AFF4: variants seen among roughly 807,000 people sequenced by gnomAD.
AFF4 encodes ALF transcription elongation factor 4, also known as AF4/FMR2 family member 4.
In AFF4, 13 loss-of-function variants were observed where a neutral mutation model predicts 124.8. That is an observed-to-expected ratio of 0.10 (90% CI 0.07 to 0.17). The LOEUF (loss-of-function observed/expected upper bound fraction) is 0.17, where lower values mean the gene tolerates loss of function less well. Ranked by LOEUF, AFF4 falls within the 10% of genes least tolerant of loss-of-function variation. AFF4 has a pLI of 1.00. For missense variants in AFF4, 1,092 were observed against 1,403.8 expected (o/e 0.78, Z 3.55); for synonymous variants, 477 against 496.1 (o/e 0.96, Z 0.51).
intron 13 of AFF4, among the ~76,000 whole-genome samples, chr5:132,891,054 TAGC>T (rs1760244504): frequency 1.3e-5 from 2 of 151,188 alleles, no homozygotes; most frequent in South Asian, 2.1e-4. Flanking sequence ...AAAAAAGCAA[TAGC>T]AGGTTTCAAG....
chr5:132,896,885 A>C lies in AFF4; in HGVS notation c.1745T>G (p.Leu582Arg). 1 of 1,613,962 alleles carries C rather than the reference A, an allele frequency of 6.2e-7. No individual in the cohort carries two copies. The highest frequency in any genetic ancestry group is 8.5e-7 in the Non-Finnish European group (1 of 1,179,976). Residue 582 changes from leucine to arginine, a missense_variant, in exon 11 of 21, where the codon CTG becomes CGG. Leu to Arg is a moderately radical substitution (Grantham distance 102, BLOSUM62 -2). This residue lies in a region of AFF4 where 174 missense variants were observed against 205.9 expected (regional missense o/e 0.84). Transcript: ENST00000265343. The stretch of plus-strand genomic sequence containing the variant: ...TACAGGGGTTTCACTTTCTATCTTC[A>C]GGCCTCCACGAGGCTCTTCAGCAGC... ...KAAAEEPRGG[L>R]KIESETPVDL...
rs140574395 is a variant in AFF4 at position 132,894,991 on chromosome 5, T to C, written c.2307+1332A>G. Among the ~76,000 whole-genome samples the C allele has an allele frequency of 3.5e-4, 53 of 152,074 alleles. No homozygotes were observed. The East Asian group carries it at 9.3e-3, about 27-fold the overall frequency. On this transcript the variant is annotated intron_variant, in intron 11 of 20. Coordinates refer to ENST00000265343, the MANE Select transcript of AFF4 (RefSeq NM_014423.4). ...ATAAAATAAAATCTTACAAAAAAAG[T>C]AATACTTTTTAAGCACAAAAGGACC...
chr5:132,926,887 CAT>C, intron 5 of AFF4: 1 of 417,254 alleles, frequency 2.4e-6, no homozygotes, highest in Non-Finnish European at 4.3e-6. Flanking sequence ...ATCTCTCTCG[CAT>C]ATTGCCTTCA....
intron 20 of AFF4, 33 bp downstream of exon 20, chr5:132,883,307 C>T (rs2150063471): frequency 6.3e-7 from 1 of 1,589,496 alleles, no homozygotes; most frequent in Non-Finnish European, 8.6e-7. Context: ...CTAACAATTC[C>T]ATCCCTTGAA....
At chr5:132,905,487 T>C (rs944679248) in intron 5 of AFF4, among the ~76,000 whole-genome samples, 2 of 152,242 alleles carry the variant, frequency 1.3e-5, no homozygotes, top group African/African-American at 2.4e-5. Flanking sequence ...AAATATAGTT[T>C]TGCGGTTAAA....
chr5:132,900,418 G>C (rs767500538), intron 7 of AFF4, among the ~76,000 whole-genome samples: 1 of 152,102 alleles, frequency 6.6e-6, no homozygotes, highest in Non-Finnish European at 1.5e-5. Context: ...TTAGCCTGGC[G>C]TGGTGGTGGG....
At position 132,880,413 on chromosome 5, in the gene AFF4, T is replaced by C; in HGVS notation, c.*646A>G. The C allele has an allele frequency of 2.5e-6, 1 of 398,754 alleles. No individual in the cohort carries two copies. Among genetic ancestry groups the C allele is most frequent in the Non-Finnish European group, 4.4e-6 (1 of 225,902 alleles). The allele number at this position is 398,754 out of a possible 1,614,324, so 24.7% of individuals were successfully genotyped here. On this transcript the variant is annotated 3_prime_UTR_variant, in exon 21 of 21. Transcript: ENST00000265343. ...CAAATCAGACACATTTCATAGTACA[T>C]ACATGTAGAATGCCATTTTCTCATA...
At chr5:132,930,113 A>C (rs1256963033) in intron 4 of AFF4, among the ~76,000 whole-genome samples, 1 of 152,242 alleles carries the variant, frequency 6.6e-6, no homozygotes, top group Non-Finnish European at 1.5e-5. Flanking sequence ...AGACATGTTG[A>C]GTCTGAAGAG....
At position 132,898,237 on chromosome 5, in the gene AFF4, G is replaced by A. The variant is rs763467051; in HGVS notation, c.1382C>T (p.Ser461Phe). ...SEANEPSQSASPEPEPPPTNK... is the reference protein window; with the variant it reads ...SEANEPSQSAFPEPEPPPTNK... ...CCACCGCCTCTGTCTCACCTCGGGA[G>A]ATGCACTCTGGGATGGCTCATTTGC... is the stretch of plus-strand genomic sequence containing the variant. The change falls in exon 10 of 21, where the codon TCT becomes TTT. Residue 461 changes from serine (S) to phenylalanine (F), a missense_variant. Physicochemically the swap from Ser to Phe is radical, Grantham distance 155. Around this residue, in one of 11 missense-constraint regions of AFF4, gnomAD observed 18 missense variants for 16.7 expected, o/e 1.08. Coordinates refer to ENST00000265343, the MANE Select transcript of AFF4 (RefSeq NM_014423.4). 2.5e-6 allele frequency: 4 copies of A among 1,614,162 alleles called. No homozygotes were observed. Among genetic ancestry groups the A allele is most frequent in the Non-Finnish European group, 3.4e-6 (4 of 1,180,014 alleles).
intron 5 of AFF4, among the ~76,000 whole-genome samples, chr5:132,921,302 A>G (rs1761038865): frequency 6.6e-6 from 1 of 152,156 alleles, no homozygotes; most frequent in Non-Finnish European, 1.5e-5. Context: ...AATTGAAATC[A>G]CAATGAGGTA....
intron 5 of AFF4, chr5:132,926,253 A>T (rs1344439930): frequency 8.4e-6 from 4 of 476,586 alleles, no homozygotes; most frequent in Non-Finnish European, 1.7e-5. Flanking sequence ...AGGGGACGGA[A>T]TTGGGGAAAG....
chr5:132,900,817 G>A (rs1219373424), intron 7 of AFF4: 2 of 939,412 alleles, frequency 2.1e-6, no homozygotes, highest in East Asian at 2.3e-4. Flanking sequence ...ACAAAGCTTA[G>A]GGAGAACTAC....
chr5:132,896,387 T>C lies in AFF4; in HGVS notation c.2243A>G (p.His748Arg). 6.2e-7 allele frequency: 1 copy of C among 1,613,680 alleles called. No homozygotes were observed. Among genetic ancestry groups the C allele is most frequent in the Non-Finnish European group, 8.5e-7 (1 of 1,179,936 alleles). ...GGCTTGTTTCTGAGCCTCTCTCGTG[T>C]GCTTTTCTGGCACATTTTTCTTTTC... ...KGEKKNVPEKHTREAQKQASE... is the reference protein window; with the variant it reads ...KGEKKNVPEKRTREAQKQASE... The change falls in exon 11 of 21, where the codon CAC becomes CGC. Residue 748 changes from histidine to arginine, a missense_variant. Around this residue, in one of 11 missense-constraint regions of AFF4, gnomAD observed 293 missense variants for 280.2 expected, o/e 1.05. Transcript: ENST00000265343.
chr5:132,943,171 T>C (rs1349525899), intron 1 of AFF4: 8 of 175,206 alleles, frequency 4.6e-5, no homozygotes, highest in Non-Finnish European at 1.0e-4. Context: ...TGGTATCTCC[T>C]TCTGACTTAC....
intron 19 of AFF4, 24 bp from the exon 20 acceptor site, chr5:132,883,584 T>G: frequency 6.2e-7 from 1 of 1,602,192 alleles, no homozygotes; most frequent in Non-Finnish European, 8.5e-7. Flanking sequence ...ATAGGAAGCT[T>G]GTTCATATGG....
chr5:132,882,418 G>A (rs1247795895), intron 20 of AFF4, among the ~76,000 whole-genome samples: 1 of 152,100 alleles, frequency 6.6e-6, no homozygotes, highest in African/African-American at 2.4e-5. Flanking sequence ...GCACATATTT[G>A]CTAATAACAT....
intron 9 of AFF4, 43 bp downstream of exon 9, chr5:132,899,061 A>G (rs772136917): frequency 6.3e-7 from 1 of 1,577,356 alleles, no homozygotes; most frequent in Non-Finnish European, 8.7e-7. Flanking sequence ...TATCAGGCTG[A>G]CCCAACTCTT....
At chr5:132,902,405 A>AATG (rs750282007) in intron 7 of AFF4, 37 bp downstream of exon 7, 2 of 1,533,636 alleles carry the variant, frequency 1.3e-6, no homozygotes, top group South Asian at 2.2e-5. Context: ...TTTTAGCAAA[A>AATG]ATGATAAATA....
At position 132,934,429 on chromosome 5, in the gene AFF4, T is replaced by C; in HGVS notation, c.636A>G (p.Ser212=). Residue 212 remains serine, a synonymous_variant, in exon 3 of 21, where the codon TCA becomes TCG. Coordinates refer to ENST00000265343, the MANE Select transcript of AFF4 (RefSeq NM_014423.4). ...HHSKEHQRSK[S]PRDPDANWDS... Reference sequence around the variant, plus strand: ...CCCAGTTTGCATCAGGGTCCCGAGGTGATTTGGAGCGTTGATGTTCCTTGC... The same window carrying C: ...CCCAGTTTGCATCAGGGTCCCGAGGCGATTTGGAGCGTTGATGTTCCTTGC... 1 of 1,613,922 alleles carries C rather than the reference T, an allele frequency of 6.2e-7. No individual in the cohort carries two copies. The highest frequency in any genetic ancestry group is 8.5e-7 in the Non-Finnish European group (1 of 1,179,988).
Sources: gnomAD v4.1 joint callset for allele counts (sites outside exome capture counted in the v4.1 genomes callset) on GRCh38, gnomAD v4.1.1 for gene constraint, gnomAD v4.1.1 regional missense constraint, MANE v1.5 for transcripts, NCBI Gene and HGNC (gene_info 2026-07-23, HGNC 2026-07-21) for gene names.